Variants in SRGAP2B observed in about 807,000 individuals in gnomAD.
SRGAP2B encodes SLIT-ROBO Rho GTPase-activating protein 2B.
In SRGAP2B, 9 loss-of-function variants were observed where a neutral mutation model predicts 22.2. The observed-to-expected ratio is 0.41, with a 90% CI of 0.24 to 0.71. SRGAP2B has a LOEUF of 0.71. Ranked by LOEUF, SRGAP2B falls within the 30% of genes least tolerant of loss-of-function variation. The pLI, the probability that SRGAP2B is intolerant of heterozygous loss-of-function variation, is 0.35. For synonymous variants in SRGAP2B, 36 were observed against 87.4 expected (o/e 0.41, Z 3.28); for missense variants, 114 against 235.8 (o/e 0.48, Z 3.38).
At chr1:145,066,690 C>T (rs1246383863) in intron 2 of SRGAP2B, among the ~76,000 whole-genome samples, 2 of 151,798 alleles carry the variant, frequency 1.3e-5, no homozygotes, top group African/African-American at 4.9e-5. Context: ...AGCACCCCAG[C>T]CCGGGAGCAC....
intron 4 of SRGAP2B, among the ~76,000 whole-genome samples, chr1:144,915,880 G>C (rs1553603819): frequency 6.7e-6 from 1 of 149,922 alleles, no homozygotes; most frequent in Non-Finnish European, 1.5e-5. Flanking sequence ...TTTATCTTTT[G>C]CCAGCTCCTT....
At chr1:144,997,549 G>A (rs1179219261) in intron 2 of SRGAP2B, among the ~76,000 whole-genome samples, 3 of 149,970 alleles carry the variant, frequency 2.0e-5, no homozygotes, top group African/African-American at 7.6e-5. Flanking sequence ...AGGTCCCTCT[G>A]AGTCCCCTGT....
rs1176945947 is a variant in SRGAP2B at position 144,996,224 on chromosome 1, G to C, written c.68-1024C>G. On this transcript the variant is annotated intron_variant, in intron 2 of 9. Transcript: ENST00000612199. ...CCAGACTGATTTTCAGCTCAGAGAA[G>C]GCTTGCAGTGTGTATCCTGCTGAAG... Among the ~76,000 whole-genome samples, 6 of 150,560 alleles carry C rather than the reference G, an allele frequency of 4.0e-5. 1 individual carries two copies. The highest frequency in any genetic ancestry group is 2.1e-4 in the South Asian group (1 of 4,812).
At chr1:144,955,695 A>G in intron 3 of SRGAP2B, 94 bp from the exon 4 acceptor site, 1 of 547,928 alleles carries the variant, frequency 1.8e-6, no homozygotes, top group East Asian at 3.1e-5. Context: ...CACAGCAATC[A>G]AAGCCAATCC....
At chr1:144,970,019 A>G (rs1363019262) in intron 3 of SRGAP2B, among the ~76,000 whole-genome samples, 2 of 150,380 alleles carry the variant, frequency 1.3e-5, no homozygotes, top group Non-Finnish European at 2.9e-5. Flanking sequence ...GAGGATGTGG[A>G]GAAATACAAA....
rs1670660354 is a variant in SRGAP2B at position 144,996,148 on chromosome 1, C to A, written c.68-948G>T. Among the ~76,000 whole-genome samples the A allele has an allele frequency of 2.6e-5, 4 of 151,368 alleles. No homozygotes were observed. In the South Asian group the frequency reaches 8.3e-4, roughly 31 times the overall value. On this transcript the variant is annotated intron_variant, in intron 2 of 9. Coordinates refer to ENST00000612199, the Ensembl canonical transcript of SRGAP2B. ...CAGATCTGCCTCAAATGCAGCACTG[C>A]ATTTGTTACTGACAAGAGACCTGGC...
chr1:144,891,703 C>T (rs1662123631), exon 10 of SRGAP2B: 1 of 98,234 alleles, frequency 1.0e-5, no homozygotes, highest in Non-Finnish European at 2.0e-5. Context: ...ATTACCCATC[C>T]TTTAAGTTTT....
At chr1:145,016,702 A>G (rs1672438262) in intron 2 of SRGAP2B, among the ~76,000 whole-genome samples, 2 of 117,786 alleles carry the variant, frequency 1.7e-5, no homozygotes, top group Admixed American at 8.9e-5. Flanking sequence ...GACCCTGAAC[A>G]CACTACATGA....
intron 3 of SRGAP2B, among the ~76,000 whole-genome samples, chr1:144,992,215 C>G (rs1302359985): frequency 6.6e-6 from 1 of 150,636 alleles, no homozygotes; most frequent in Non-Finnish European, 1.5e-5. Flanking sequence ...CCGAACACAT[C>G]TGAACATCAG....
At position 144,905,186 on chromosome 1, in the gene SRGAP2B, C is replaced by T; in HGVS notation, c.736G>A (p.Ala246Thr). Residue 246 changes from alanine (A) to threonine (T), a missense_variant, in exon 7 of 10, where the codon GCC becomes ACC. Coordinates refer to ENST00000612199, the Ensembl canonical transcript of SRGAP2B. The stretch of plus-strand genomic sequence containing the variant: ...AAGTACTCATTCCGGGCTTTGATGG[C>T]CTTCAGCTTATTCTCCGTGTACTTG... 3 of 778,426 alleles carry T rather than the reference C, an allele frequency of 3.9e-6. No individual in the cohort carries two copies. The East Asian group carries it at 7.3e-5, about 19-fold the overall frequency. 48.2% of individuals were successfully genotyped at this position (778,426 alleles called of 1,614,324 possible).
chr1:145,020,116 T>A (rs1257076713), intron 2 of SRGAP2B, among the ~76,000 whole-genome samples: 1 of 145,608 alleles, frequency 6.9e-6, no homozygotes, highest in Non-Finnish European at 1.5e-5. Context: ...TACCCCTTAT[T>A]TTAAAATGCA....
At chr1:145,010,719 A>T (rs1671991327) in intron 2 of SRGAP2B, among the ~76,000 whole-genome samples, 1 of 150,558 alleles carries the variant, frequency 6.6e-6, no homozygotes, top group African/African-American at 2.5e-5. Context: ...GTTTATGTGT[A>T]CCAAATGTTA....
intron 2 of SRGAP2B, among the ~76,000 whole-genome samples, chr1:145,023,165 CAAAAAAA>C (rs781881943): frequency 2.1e-5 from 2 of 96,362 alleles, no homozygotes; most frequent in African/African-American, 7.6e-5. Context: ...GACTCTGTCT[CAAAAAAA>C]AAAAAAAAAT....
intron 4 of SRGAP2B, among the ~76,000 whole-genome samples, chr1:144,944,125 C>T (rs1353814757): frequency 6.7e-6 from 1 of 150,164 alleles, no homozygotes; most frequent in African/African-American, 2.5e-5. Flanking sequence ...AATTTAATAG[C>T]CTCCTAGAAT....
intron 2 of SRGAP2B, among the ~76,000 whole-genome samples, chr1:145,047,175 CAAAAAAAAAAAAAAAAAA>C (rs4058382): frequency 2.1e-4 from 3 of 14,570 alleles, no homozygotes; most frequent in East Asian, 4.8e-3. Context: ...GACTCTGTCT[CAAAAAAAAAAAAAAAAAA>C]AAAAAAAAAA....
chr1:145,070,308 C>G (rs1378427278), intron 2 of SRGAP2B, among the ~76,000 whole-genome samples: 1 of 113,042 alleles, frequency 8.8e-6, no homozygotes, highest in African/African-American at 3.6e-5. Flanking sequence ...GTTCTCCAAA[C>G]TATCAACAAG....
At position 145,088,946 on chromosome 1, in the gene SRGAP2B, C is replaced by G. The variant is rs587715637; in HGVS notation, c.67+3889G>C. On this transcript the variant is annotated intron_variant, in intron 2 of 9. Transcript: ENST00000612199. Reference sequence around the variant, plus strand: ...AAAAAAAACAATAAAAATACCAATACAACAATTTAAAATAATACAAATTTT... The same window carrying G: ...AAAAAAAACAATAAAAATACCAATAGAACAATTTAAAATAATACAAATTTT... Among the ~76,000 whole-genome samples, 15 of 148,982 alleles carry G rather than the reference C, an allele frequency of 1.0e-4. No homozygotes were observed. The East Asian group carries it at 2.7e-3, about 27-fold the overall frequency.
intron 2 of SRGAP2B, among the ~76,000 whole-genome samples, chr1:145,058,030 T>C (rs1324092111): frequency 6.9e-6 from 1 of 145,172 alleles, no homozygotes; most frequent in Admixed American, 6.9e-5. Flanking sequence ...TCCCAAGGAA[T>C]GGAAGAAGTA....
intron 3 of SRGAP2B, among the ~76,000 whole-genome samples, chr1:144,971,957 G>A (rs1183870385): frequency 6.7e-6 from 1 of 149,720 alleles, no homozygotes; most frequent in Non-Finnish European, 1.5e-5. Context: ...CATCTCAAAG[G>A]GCTGGTGCTG....
Sources: allele counts gnomAD v4.1 joint callset (sites outside exome capture counted in the v4.1 genomes callset), GRCh38; gene constraint gnomAD v4.1.1; transcripts MANE v1.5; gene names NCBI Gene and HGNC (gene_info 2026-07-23, HGNC 2026-07-21).